POM121C: variants seen among roughly 807,000 people sequenced by gnomAD.
POM121C encodes POM121 transmembrane nucleoporin C.
A neutral mutation model predicts 66.4 loss-of-function variants in POM121C; 20 were observed. The ratio of observed to expected loss-of-function variants is 0.30; its 90% CI spans 0.21 to 0.44. POM121C has a LOEUF of 0.44. Ranked by LOEUF, POM121C falls within the 20% of genes least tolerant of loss-of-function variation. POM121C has a pLI of 1.00. For missense variants in POM121C, 580 were observed against 1,225.7 expected, an observed-to-expected ratio of 0.47 and a Z score of 7.87; for synonymous variants, 286 against 528.0, an observed-to-expected ratio of 0.54 and a Z score of 6.28.
chr7:75,436,971 T>C (rs1554473083), intron 7 of POM121C, among the ~76,000 whole-genome samples: 1 of 152,180 alleles, frequency 6.6e-6, no homozygotes, highest in African/African-American at 2.4e-5. Flanking sequence ...GCCTGCTCTG[T>C]TCCTTATACT....
rs587655012 is a variant in POM121C, at chr7:75,479,504, T to TG, written c.-457-4317_-457-4316insC. 3.5e-3 allele frequency among the ~76,000 whole-genome samples: 525 copies of TG among 148,462 alleles called. 13 individuals carry two copies. In the East Asian group the frequency reaches 0.038, roughly 11 times the overall value. ...GATGGTGGGTGTCTGTAATCCCAGC[T>TG]ACCCAGGAGGCTGAGGCAGGAGAAT... On this transcript the variant is annotated intron_variant, in intron 1 of 14. Coordinates refer to ENST00000615331, the MANE Select transcript of POM121C (RefSeq NM_001099415.3).
rs1476168084 is a variant in POM121C, at chr7:75,418,640, A to G, written c.*156T>C. The G allele has an allele frequency of 2.9e-6, 4 of 1,357,688 alleles. No individual in the cohort carries two copies. In the Admixed American group the frequency reaches 9.1e-5, roughly 31 times the overall value. The allele number at this position is 1,357,688 out of a possible 1,614,324, so 84.1% of individuals were successfully genotyped here. On this transcript the variant is annotated 3_prime_UTR_variant, in exon 15 of 15. Coordinates refer to ENST00000615331, the MANE Select transcript of POM121C (RefSeq NM_001099415.3). Reference sequence around the variant, plus strand: ...AGGCTTGTGCTTCCTCCAGAAGGGAAAGGGCCCCAGGGCTGCCACTGCCCC... The same window carrying G: ...AGGCTTGTGCTTCCTCCAGAAGGGAGAGGGCCCCAGGGCTGCCACTGCCCC...
chr7:75,421,959 G>A lies in POM121C; in HGVS notation c.2293C>T (p.Pro765Ser). The change falls in exon 13 of 15, where the codon CCT becomes TCT. Residue 765 changes from proline to serine, a missense_variant. Physicochemically the swap from Pro to Ser is moderately conservative, Grantham distance 74. Transcript: ENST00000615331. ...VPAHVPTPIQ[P>S]TFGGATHSAF... The stretch of plus-strand genomic sequence containing the variant: ...GAGTGCGTGGCACCGCCAAAGGTAG[G>A]CTGGATGGGCGTAGGCACGTGCGCA... The A allele has an allele frequency of 6.2e-7, 1 of 1,613,842 alleles. No individual in the cohort carries two copies. Among genetic ancestry groups the A allele is most frequent in the South Asian group, 1.1e-5 (1 of 91,082 alleles).
chr7:75,431,077 A>C (rs1790157507), intron 7 of POM121C, among the ~76,000 whole-genome samples: 7 of 79,716 alleles, frequency 8.8e-5, no homozygotes, highest in African/African-American at 1.7e-4. Context: ...TCTGTCTCAA[A>C]AAAAAAAAAA....
intron 3 of POM121C, among the ~76,000 whole-genome samples, chr7:75,463,298 C>A (rs1219975389): frequency 1.3e-5 from 2 of 151,980 alleles, no homozygotes; most frequent in African/African-American, 4.8e-5. Flanking sequence ...GAGCCAAGAT[C>A]GTGCCATTGT....
chr7:75,474,962 A>G, intron 2 of POM121C, 80 bp from the exon 3 acceptor site: 1 of 1,312,182 alleles, frequency 7.6e-7, no homozygotes, highest in Non-Finnish European at 1.1e-6. Context: ...CACTGCAGCT[A>G]GTGCCCACAA....
At chr7:75,448,325 C>G (rs1247715891) in intron 3 of POM121C, among the ~76,000 whole-genome samples, 2 of 137,996 alleles carry the variant, frequency 1.4e-5, no homozygotes, top group African/African-American at 5.3e-5. Context: ...AAGAAAAATA[C>G]CAAATGGAAA....
intron 3 of POM121C, among the ~76,000 whole-genome samples, chr7:75,454,131 C>T (rs1358704634): frequency 6.6e-5 from 10 of 152,278 alleles, no homozygotes; most frequent in African/African-American, 2.2e-4. Flanking sequence ...CCCCCGACCA[C>T]GCGATGGAAG....
chr7:75,472,844 G>T (rs1791928682), intron 3 of POM121C, among the ~76,000 whole-genome samples: 1 of 151,752 alleles, frequency 6.6e-6, no homozygotes, highest in Non-Finnish European at 1.5e-5. Context: ...GAGGAAGGGA[G>T]GGAGGGAAGA....
At chr7:75,433,786 T>A (rs1448032411) in intron 7 of POM121C, among the ~76,000 whole-genome samples, 2 of 152,190 alleles carry the variant, frequency 1.3e-5, no homozygotes, top group African/African-American at 4.8e-5. Flanking sequence ...CATAGTTACA[T>A]AGTATATTTC....
At chr7:75,481,097 G>C (rs1554480071) in intron 1 of POM121C, among the ~76,000 whole-genome samples, 1 of 148,130 alleles carries the variant, frequency 6.8e-6, no homozygotes, top group Admixed American at 6.8e-5. Flanking sequence ...GATTAATGTG[G>C]GAAAATGTTA....
chr7:75,446,627 A>T (rs1790819417), intron 3 of POM121C, among the ~76,000 whole-genome samples: 1 of 152,024 alleles, frequency 6.6e-6, no homozygotes, highest in African/African-American at 2.4e-5. Context: ...GGACCCACCT[A>T]ATGAATCATC....
chr7:75,467,531 C>CAAAA lies in POM121C; in HGVS notation c.-152+7169_-152+7172dup, dbSNP rs58341825. 1.1e-3 allele frequency among the ~76,000 whole-genome samples: 71 copies of CAAAA among 65,070 alleles called. 2 individuals are homozygous for CAAAA. Among genetic ancestry groups the CAAAA allele is most frequent in the East Asian group, 6.8e-3 (16 of 2,350 alleles). The allele number at this position is 65,070 out of a possible 152,430, so 42.7% of individuals were successfully genotyped here. A position where few individuals can be genotyped will look rare whatever the true frequency, so the allele number is the denominator to read the frequency against. The stretch of plus-strand genomic sequence containing the variant: ...TGGGCGACAGAGCGAGATTCTGTCT[C>CAAAA]AAAAAAAAAAAAAAAAAAAAAAAAT... On this transcript the variant is annotated intron_variant, in intron 3 of 14. Coordinates refer to ENST00000615331, the MANE Select transcript of POM121C (RefSeq NM_001099415.3).
At chr7:75,434,302 G>A (rs1405602958) in intron 7 of POM121C, among the ~76,000 whole-genome samples, 1 of 151,050 alleles carries the variant, frequency 6.6e-6, no homozygotes, top group African/African-American at 2.4e-5. Context: ...TTAAGATGGA[G>A]TCTCACTCTG....
At chr7:75,470,740 C>T (rs1172704546) in intron 3 of POM121C, among the ~76,000 whole-genome samples, 64 of 151,960 alleles carry the variant, frequency 4.2e-4, no homozygotes, top group Middle Eastern at 3.4e-3. Flanking sequence ...TCAAGCAATC[C>T]TCCCACCTCA....
intron 3 of POM121C, among the ~76,000 whole-genome samples, chr7:75,447,714 C>T (rs1790871539): frequency 6.6e-6 from 1 of 151,856 alleles, no homozygotes; most frequent in African/African-American, 2.4e-5. Context: ...TAGTGAGACC[C>T]TGTCTCTAAA....
In POM121C at chr7:75,424,143, G is replaced by A. The variant is rs1554471343; in HGVS notation, c.954C>T (p.Ala318=). The A allele has an allele frequency of 6.2e-7, 1 of 1,611,892 alleles. No individual in the cohort carries two copies. The highest frequency in any genetic ancestry group is 8.5e-7 in the Non-Finnish European group (1 of 1,179,882). ...FTFTLPAAAT[A]SPPTSLLAPS... ...GGGCCAGGAGGGAGGTGGGTGGGGA[G>A]GCAGTTGCAGCAGCAGGCAGGGTAA... The change falls in exon 12 of 15, where the codon GCC becomes GCT. Residue 318 remains alanine, a synonymous_variant. Coordinates refer to ENST00000615331, the MANE Select transcript of POM121C (RefSeq NM_001099415.3).
intron 7 of POM121C, among the ~76,000 whole-genome samples, chr7:75,431,008 G>A (rs587750817): frequency 9.4e-5 from 14 of 148,534 alleles, no homozygotes; most frequent in African/African-American, 1.7e-4. Context: ...CCCGGGAGGC[G>A]GAGCTTGCAG....
At chr7:75,421,238 A>G in intron 13 of POM121C, 17 of 1,025,752 alleles carry the variant, frequency 1.7e-5, no homozygotes, top group Non-Finnish European at 2.3e-5. Context: ...GGCCTCCCAA[A>G]ATATTGGGAT....
Sources: allele counts gnomAD v4.1 joint callset (sites outside exome capture counted in the v4.1 genomes callset), GRCh38; gene constraint gnomAD v4.1.1; transcripts MANE v1.5; gene names NCBI Gene and HGNC (gene_info 2026-07-23, HGNC 2026-07-21).